The following ZNF141 variants were observed in gnomAD, a reference collection of about 807,000 sequenced individuals.
ZNF141 encodes zinc finger protein 141.
In ZNF141, 7 loss-of-function variants were observed where a neutral mutation model predicts 11.3. That is an observed-to-expected ratio of 0.62 (90% CI 0.35 to 1.16). ZNF141 has a LOEUF of 1.16. Among genes scored for constraint, ZNF141 ranks in the 50% most tolerant of loss-of-function variants. The pLI, the probability that ZNF141 is intolerant of heterozygous loss-of-function variation, is 0.02. For missense variants in ZNF141, 535 were observed against 554.0 expected, an observed-to-expected ratio of 0.97 and a Z score of 0.34; for synonymous variants, 183 against 190.7, an observed-to-expected ratio of 0.96 and a Z score of 0.33.
At chr4:372,114 T>C (rs1187305936) in intron 3 of ZNF141, among the ~76,000 whole-genome samples, 1 of 152,228 alleles carries the variant, frequency 6.6e-6, no homozygotes, top group Non-Finnish European at 1.5e-5. Flanking sequence ...CTCTAATCAC[T>C]TGTTCTACGT....
intron 1 of ZNF141, 125 bp downstream of exon 1, chr4:338,111 A>G: frequency 7.5e-7 from 1 of 1,336,256 alleles, no homozygotes; most frequent in Admixed American, 2.0e-5. Flanking sequence ...GGGCCTCAGT[A>G]CCCTCCGGTG....
intron 3 of ZNF141, among the ~76,000 whole-genome samples, chr4:369,915 C>G (rs977259518): frequency 6.6e-6 from 1 of 150,472 alleles, no homozygotes; most frequent in Non-Finnish European, 1.5e-5. Flanking sequence ...TACAGGCACA[C>G]GCCACCATGC....
Position 376,107 on chromosome 4 carries a change from CGT to C in ZNF141, c.*2248_*2249del. Among the ~76,000 whole-genome samples the C allele has an allele frequency of 6.6e-6, 1 of 152,020 alleles. No individual in the cohort carries two copies. ...TTTTTTAACTAAACAAAATTTTTAA[CGT>C]GTTGAAATAATTGTTGCTTGAATGA... On this transcript the variant is annotated 3_prime_UTR_variant, in exon 4 of 4. Coordinates refer to ENST00000240499, the MANE Select transcript of ZNF141 (RefSeq NM_003441.4).
chr4:368,794 C>A (rs771721579), intron 3 of ZNF141, among the ~76,000 whole-genome samples: 9 of 152,130 alleles, frequency 5.9e-5, no homozygotes, highest in Non-Finnish European at 1.0e-4. Context: ...TTTTTGAAAT[C>A]AAGAACTGTA....
rs1422934635 is a variant in ZNF141 at position 384,104 on chromosome 4, T to C, written c.*10242T>C. The C allele has an allele frequency of 2.0e-5, 3 of 152,242 alleles. No homozygotes were observed. Among genetic ancestry groups the C allele is most frequent in the Admixed American group, 1.3e-4 (2 of 15,286 alleles). The allele number at this position is 152,242 out of a possible 1,614,324, so 9.4% of individuals were successfully genotyped here. A position where few individuals can be genotyped will look rare whatever the true frequency, so the allele number is the denominator to read the frequency against. ...TGCAGGTATATGTGGATGCATGTGA[T>C]TGGTACTTAAACTCACACAGTGCCC... is the stretch of plus-strand genomic sequence containing the variant. On this transcript the variant is annotated 3_prime_UTR_variant, in exon 4 of 4. Transcript: ENST00000240499.
At chr4:356,062 C>G (rs782098730) in intron 3 of ZNF141, among the ~76,000 whole-genome samples, 1 of 151,798 alleles carries the variant, frequency 6.6e-6, no homozygotes, top group Non-Finnish European at 1.5e-5. Context: ...AAACCCCCAT[C>G]TCTACTAAAA....
chr4:346,893 A>ACACACCCCCCC (rs373224939), intron 3 of ZNF141, among the ~76,000 whole-genome samples: 3 of 135,484 alleles, frequency 2.2e-5, no homozygotes, highest in African/African-American at 6.4e-5. Flanking sequence ...ACACACACAC[A>ACACACCCCCCC]CCGCCCCCCC....
intron 3 of ZNF141, chr4:350,181 G>T: frequency 1.9e-6 from 1 of 534,782 alleles, no homozygotes; most frequent in Non-Finnish European, 3.8e-6. Flanking sequence ...AGCTCAGTGT[G>T]CCATTTCCTT....
At chr4:339,857 A>G (rs193226416) in intron 1 of ZNF141, among the ~76,000 whole-genome samples, 1 of 152,106 alleles carries the variant, frequency 6.6e-6, no homozygotes, top group South Asian at 2.1e-4. Context: ...TATCAAATCT[A>G]CCTCCTGTCC....
chr4:373,581 C>T lies in ZNF141; in HGVS notation c.1144C>T (p.Leu382=), dbSNP rs377409259. The T allele has an allele frequency of 2.5e-6, 4 of 1,612,712 alleles. No individual in the cohort carries two copies. The highest frequency in any genetic ancestry group is 2.7e-5 in the African/African-American group (2 of 74,492). The change falls in exon 4 of 4, where the codon CTG becomes TTG. Residue 382 remains leucine (L), a synonymous_variant. Transcript: ENST00000240499. ...CAAAGCCTTTGGACGGTCCAGGGTC[C>T]TGAATGAACATAAAAAAATTCATAC... The part of the protein sequence containing the change: ...CGKAFGRSRV[L]NEHKKIHTGE...
rs1453955658 is a variant in ZNF141, at chr4:377,899, G to A, written c.*4037G>A. 2 of 152,160 alleles carry A rather than the reference G, an allele frequency of 1.3e-5. No individual in the cohort carries two copies. Among genetic ancestry groups the A allele is most frequent in the Non-Finnish European group, 1.5e-5 (1 of 68,034 alleles). The allele number at this position is 152,160 out of a possible 1,614,324, so 9.4% of individuals were successfully genotyped here. A position where few individuals can be genotyped will look rare whatever the true frequency, so the allele number is the denominator to read the frequency against. ...AAAATTTTTAGGCCAGGTGGCGGTG[G>A]TTCACACCTGTAATCCCAGCACTTT... On this transcript the variant is annotated 3_prime_UTR_variant, in exon 4 of 4. Coordinates refer to ENST00000240499, the MANE Select transcript of ZNF141 (RefSeq NM_003441.4).
At chr4:348,319 G>T (rs563548084) in intron 3 of ZNF141, among the ~76,000 whole-genome samples, 2 of 151,994 alleles carry the variant, frequency 1.3e-5, no homozygotes, top group South Asian at 4.2e-4. Context: ...AAAAGTTATT[G>T]CCGAGACCAA....
intron 1 of ZNF141, chr4:343,042 A>G: frequency 1.4e-6 from 1 of 736,632 alleles, no homozygotes; most frequent in Non-Finnish European, 2.3e-6. Context: ...AGTATTAAAA[A>G]AGTTCCTTGC....
chr4:378,410 C>T lies in ZNF141; in HGVS notation c.*4548C>T, dbSNP rs532991179. Reference sequence around the variant, plus strand: ...CAGCCTCCTGAGTTAACTGGGACTACAATCGCCTGCCACCACGCCCAGTTA... The same window carrying T: ...CAGCCTCCTGAGTTAACTGGGACTATAATCGCCTGCCACCACGCCCAGTTA... On this transcript the variant is annotated 3_prime_UTR_variant, in exon 4 of 4. Coordinates refer to ENST00000240499, the MANE Select transcript of ZNF141 (RefSeq NM_003441.4). 6.6e-6 allele frequency among the ~76,000 whole-genome samples: 1 copy of T among 151,902 alleles called. No homozygotes were observed. The highest frequency in any genetic ancestry group is 6.5e-5 in the Admixed American group (1 of 15,270).
At chr4:344,311 A>G (rs782559280) in intron 2 of ZNF141, 24 bp from the exon 3 acceptor site, 17 of 1,586,838 alleles carry the variant, frequency 1.1e-5, no homozygotes, top group African/African-American at 1.3e-5. Flanking sequence ...TAGTCATGTT[A>G]TTATTTTTTT....
At chr4:353,472 T>A (rs546108327) in intron 3 of ZNF141, among the ~76,000 whole-genome samples, 76 of 149,478 alleles carry the variant, frequency 5.1e-4, no homozygotes, top group Admixed American at 1.8e-3. Flanking sequence ...TATTATTTTT[T>A]TTTTTTTGGA....
chr4:346,847 ATATG>A (rs1721340508), intron 3 of ZNF141, among the ~76,000 whole-genome samples: 4 of 149,128 alleles, frequency 2.7e-5, no homozygotes, highest in Non-Finnish European at 5.9e-5. Context: ...GTGTATATAT[ATATG>A]TATATACATG....
intron 3 of ZNF141, among the ~76,000 whole-genome samples, chr4:360,853 T>C (rs971031893): frequency 1.3e-5 from 2 of 151,918 alleles, no homozygotes; most frequent in Non-Finnish European, 2.9e-5. Flanking sequence ...AAAAGTTTTC[T>C]ATATGGTATT....
chr4:352,217 C>G (rs1190088883), intron 3 of ZNF141, among the ~76,000 whole-genome samples: 1 of 152,092 alleles, frequency 6.6e-6, no homozygotes, highest in Non-Finnish European at 1.5e-5. Flanking sequence ...GAAACCCCAT[C>G]TCTACTAAAA....
Sources: gnomAD v4.1 joint callset for allele counts (sites outside exome capture counted in the v4.1 genomes callset) on GRCh38, gnomAD v4.1.1 for gene constraint, MANE v1.5 for transcripts, NCBI Gene and HGNC (gene_info 2026-07-23, HGNC 2026-07-21) for gene names.